JMJD1C: variants seen among roughly 807,000 people sequenced by gnomAD.
JMJD1C encodes the protein jumonji domain containing 1C.
A neutral mutation model predicts 245.3 loss-of-function variants in JMJD1C; 31 were observed. That is an observed-to-expected ratio of 0.13 (90% CI 0.09 to 0.17). The LOEUF (loss-of-function observed/expected upper bound fraction) is 0.17, where lower values mean the gene tolerates loss of function less well. Ranked by LOEUF, JMJD1C falls within the 10% of genes least tolerant of loss-of-function variation. The pLI is 1.00. For synonymous variants in JMJD1C, 1,057 were observed against 1,017.4 expected (o/e 1.04, Z -0.74); for missense variants, 2,691 against 3,000.2 (o/e 0.90, Z 2.41).
chr10:63,465,947 C>CAG lies in JMJD1C; in HGVS notation c.-287_-286dup, dbSNP rs1216571537. The CAG allele has an allele frequency of 3.7e-6, 2 of 538,626 alleles. No homozygotes were observed. Among genetic ancestry groups the CAG allele is most frequent in the African/African-American group, 3.8e-5 (2 of 52,472 alleles). The allele number at this position is 538,626 out of a possible 1,614,324, so 33.4% of individuals were successfully genotyped here. On this transcript the variant is annotated 5_prime_UTR_variant, in exon 1 of 26. Transcript: ENST00000399262. ...GGCCGTCGAAGACCCCGAGGCAGCC[C>CAG]AGCCGCCGCCACCGCGCCGCGGCCA...
chr10:63,374,260 GA>G (rs1050247742), intron 2 of JMJD1C, among the ~76,000 whole-genome samples: 1 of 152,122 alleles, frequency 6.6e-6, no homozygotes, highest in South Asian at 2.1e-4. Flanking sequence ...TCATAAACAT[GA>G]AAAAAATTCA....
intron 17 of JMJD1C, among the ~76,000 whole-genome samples, chr10:63,189,802 C>T (rs778363967): frequency 3.3e-5 from 5 of 152,030 alleles, no homozygotes; most frequent in South Asian, 2.1e-4. Flanking sequence ...TTTCAAACTC[C>T]TGGGCTCAAG....
At chr10:63,233,528 T>C (rs1850266227) in intron 3 of JMJD1C, among the ~76,000 whole-genome samples, 1 of 152,142 alleles carries the variant, frequency 6.6e-6, no homozygotes, top group African/African-American at 2.4e-5. Flanking sequence ...TTTAATATAA[T>C]TGTTTTCATT....
chr10:63,230,778 C>A (rs999311676), intron 3 of JMJD1C, among the ~76,000 whole-genome samples: 3 of 150,780 alleles, frequency 2.0e-5, no homozygotes, highest in Admixed American at 6.7e-5. Context: ...GTCCCCCCCC[C>A]CAAAAAAAAT....
At chr10:63,461,441 A>C (rs770534559) in intron 1 of JMJD1C, among the ~76,000 whole-genome samples, 1 of 152,210 alleles carries the variant, frequency 6.6e-6, no homozygotes, top group Non-Finnish European at 1.5e-5. Context: ...CCAACTAAAT[A>C]AGAAACTTAA....
chr10:63,204,304 T>G (rs1412676665), intron 10 of JMJD1C: 8 of 985,234 alleles, frequency 8.1e-6, no homozygotes, highest in Non-Finnish European at 8.4e-6. Context: ...CAGGGGAGAT[T>G]TGACTAAACA....
At chr10:63,520,611 C>A (rs1955183131) in intron 1 of JMJD1C, among the ~76,000 whole-genome samples, 1 of 151,828 alleles carries the variant, frequency 6.6e-6, no homozygotes, top group African/African-American at 2.4e-5. Context: ...AGTTGTAAAT[C>A]TTACAGCTGT....
intron 2 of JMJD1C, among the ~76,000 whole-genome samples, chr10:63,335,256 G>C (rs1229794868): frequency 6.6e-6 from 1 of 152,024 alleles, no homozygotes; most frequent in African/African-American, 2.4e-5. Context: ...GCTTCAACCT[G>C]AACAATGAAA....
intron 3 of JMJD1C, among the ~76,000 whole-genome samples, chr10:63,256,289 T>A (rs556250584): frequency 6.0e-4 from 92 of 152,292 alleles, no homozygotes; most frequent in Non-Finnish European, 1.0e-3. Context: ...AATGAAGAGC[T>A]CCTTTTTTAA....
intron 1 of JMJD1C, among the ~76,000 whole-genome samples, chr10:63,399,414 T>A (rs1222578210): frequency 6.6e-6 from 1 of 152,190 alleles, no homozygotes; most frequent in South Asian, 2.1e-4. Context: ...GGGTGCTCAT[T>A]ACTCCTGATT....
At chr10:63,382,910 A>C (rs1435280420) in intron 1 of JMJD1C, 7 of 454,840 alleles carry the variant, frequency 1.5e-5, no homozygotes, top group Non-Finnish European at 3.1e-5. Context: ...CTTAGCTTTG[A>C]ATTTCTACTG....
At chr10:63,270,699 C>T (rs1470275933) in intron 2 of JMJD1C, among the ~76,000 whole-genome samples, 1 of 152,108 alleles carries the variant, frequency 6.6e-6, no homozygotes, top group Non-Finnish European at 1.5e-5. Context: ...AACTCCTGAA[C>T]TTAAGCGATC....
At chr10:63,401,211 T>C (rs1310448337) in intron 1 of JMJD1C, among the ~76,000 whole-genome samples, 2 of 152,176 alleles carry the variant, frequency 1.3e-5, no homozygotes. Flanking sequence ...TAACCTCTAT[T>C]CTTTTCTATT....
chr10:63,290,635 C>T (rs1192677039), intron 2 of JMJD1C, among the ~76,000 whole-genome samples: 1 of 152,158 alleles, frequency 6.6e-6, no homozygotes, highest in East Asian at 1.9e-4. Flanking sequence ...ACTGGCAAGA[C>T]ACAAACAAAA....
chr10:63,365,680 T>C (rs1421515054), intron 2 of JMJD1C, among the ~76,000 whole-genome samples: 5 of 152,208 alleles, frequency 3.3e-5, no homozygotes, highest in Non-Finnish European at 1.5e-5. Context: ...CTAATTAAAA[T>C]GAAAATGTAA....
intron 1 of JMJD1C, among the ~76,000 whole-genome samples, chr10:63,408,855 G>A (rs972595017): frequency 1.3e-5 from 2 of 152,000 alleles, no homozygotes; most frequent in Non-Finnish European, 2.9e-5. Flanking sequence ...GAGGCCTGGA[G>A]GGCCAGTACA....
intron 1 of JMJD1C, among the ~76,000 whole-genome samples, chr10:63,383,091 T>C (rs1233730656): frequency 6.6e-6 from 1 of 152,170 alleles, no homozygotes; most frequent in Non-Finnish European, 1.5e-5. Context: ...TATAAAGTTT[T>C]TAATTAACAT....
rs1843910698 is a variant in JMJD1C, at chr10:63,184,747, A to C, written c.6831-9T>G. ...TTAAAAGATCTTCGTATCTGAAGAA[A>C]AACAACATTGCCTTCTTATAAATAA... On this transcript the variant is annotated splice_polypyrimidine_tract_variant and intron_variant, in intron 20 of 25. Transcript: ENST00000399262. 6.3e-7 allele frequency: 1 copy of C among 1,598,354 alleles called. No individual in the cohort carries two copies. Among genetic ancestry groups the C allele is most frequent in the Admixed American group, 1.8e-5 (1 of 55,896 alleles).
At chr10:63,331,846 CT>C (rs1438853040) in intron 2 of JMJD1C, among the ~76,000 whole-genome samples, 1 of 152,192 alleles carries the variant, frequency 6.6e-6, no homozygotes, top group Non-Finnish European at 1.5e-5. Flanking sequence ...TTTCAAACTC[CT>C]GACCCTCAAG....
Sources: gnomAD v4.1 joint callset for allele counts (sites outside exome capture counted in the v4.1 genomes callset) on GRCh38, gnomAD v4.1.1 for gene constraint, MANE v1.5 for transcripts, NCBI Gene and HGNC (gene_info 2026-07-23, HGNC 2026-07-21) for gene names.